Variants in RARB observed in about 807,000 individuals in gnomAD.
RARB encodes retinoic acid receptor beta.
RARB carries 17 observed loss-of-function variants against 51.9 expected under a neutral mutation model. The ratio of observed to expected loss-of-function variants is 0.33; its 90% CI spans 0.22 to 0.49. The LOEUF is 0.49. Among genes scored for constraint, RARB ranks in the 20% least tolerant of loss-of-function variants. The pLI, the probability that RARB is intolerant of heterozygous loss-of-function variation, is 0.99. For synonymous variants in RARB, 215 were observed against 195.4 expected (o/e 1.10, Z -0.84); for missense variants, 369 against 550.8 (o/e 0.67, Z 3.30).
At chr3:24,955,759 T>C (rs970918566) in intron 2 of RARB, among the ~76,000 whole-genome samples, 1 of 151,830 alleles carries the variant, frequency 6.6e-6, no homozygotes, top group Non-Finnish European at 1.5e-5. Flanking sequence ...TCAGGGAGAA[T>C]AAATGTACCT....
intron 3 of RARB, among the ~76,000 whole-genome samples, chr3:25,112,854 C>T (rs899626220): frequency 2.6e-5 from 4 of 152,136 alleles, no homozygotes; most frequent in African/African-American, 7.2e-5. Flanking sequence ...ATTTTGAGGG[C>T]AGAGTCATGT....
chr3:24,875,551 T>C (rs1703027681), intron 2 of RARB, among the ~76,000 whole-genome samples: 6 of 152,142 alleles, frequency 3.9e-5, no homozygotes, highest in African/African-American at 1.2e-4. Context: ...CTGTCTAATG[T>C]AAGCAACTCC....
At chr3:25,185,801 A>G (rs1349366683) in intron 5 of RARB, among the ~76,000 whole-genome samples, 2 of 152,166 alleles carry the variant, frequency 1.3e-5, no homozygotes, top group Non-Finnish European at 2.9e-5. Flanking sequence ...ATCTTATTCC[A>G]GAACTAAAGC....
intron 4 of RARB, among the ~76,000 whole-genome samples, chr3:25,155,549 A>G (rs1004075351): frequency 1.3e-5 from 2 of 152,148 alleles, no homozygotes; most frequent in Admixed American, 6.5e-5. Flanking sequence ...TATTACTCTA[A>G]CTCACTAATA....
At chr3:24,969,464 A>C (rs1438842525) in intron 2 of RARB, among the ~76,000 whole-genome samples, 1 of 152,112 alleles carries the variant, frequency 6.6e-6, no homozygotes, top group Non-Finnish European at 1.5e-5. Flanking sequence ...AAGAGCCACA[A>C]ATCTCTCTAG....
chr3:24,834,325 C>A (rs1372658575), intron 1 of RARB, among the ~76,000 whole-genome samples: 1 of 152,110 alleles, frequency 6.6e-6, no homozygotes, highest in Non-Finnish European at 1.5e-5. Context: ...TAATCATAAT[C>A]TTGAATAGCC....
chr3:25,361,965 C>A (rs1460781764), intron 5 of RARB, among the ~76,000 whole-genome samples: 2 of 152,174 alleles, frequency 1.3e-5, no homozygotes, highest in Non-Finnish European at 1.5e-5. Flanking sequence ...GGTTCAGGGA[C>A]CCACTGAGGA....
intron 5 of RARB, among the ~76,000 whole-genome samples, chr3:25,329,337 G>A (rs147470847): frequency 3.3e-5 from 5 of 152,074 alleles, no homozygotes; most frequent in Non-Finnish European, 7.4e-5. Context: ...TCCAGAGGAA[G>A]GATAAGGCAG....
intron 2 of RARB, among the ~76,000 whole-genome samples, chr3:24,883,580 G>C (rs1012411002): frequency 6.6e-6 from 1 of 152,098 alleles, no homozygotes; most frequent in Admixed American, 6.6e-5. Flanking sequence ...CAGTCTTGGC[G>C]ATGGTTAAGT....
At chr3:25,399,068 T>A (rs565495461) in intron 5 of RARB, among the ~76,000 whole-genome samples, 1 of 152,158 alleles carries the variant, frequency 6.6e-6, no homozygotes, top group Non-Finnish European at 1.5e-5. Context: ...CACTCTACCA[T>A]CCTGGCTTTG....
chr3:25,009,745 T>G (rs1369931131), intron 2 of RARB, among the ~76,000 whole-genome samples: 1 of 152,102 alleles, frequency 6.6e-6, no homozygotes, highest in East Asian at 1.9e-4. Context: ...TGATTTGGGA[T>G]AAGCCTTCCA....
chr3:25,170,774 G>A (rs1016627327), intron 4 of RARB, among the ~76,000 whole-genome samples: 4 of 151,814 alleles, frequency 2.6e-5, no homozygotes, highest in African/African-American at 9.7e-5. Flanking sequence ...TACATACAGA[G>A]AAAAATTATA....
chr3:25,556,686 G>A (rs1167564234), intron 3 of RARB, among the ~76,000 whole-genome samples: 1 of 152,180 alleles, frequency 6.6e-6, no homozygotes. Context: ...TTGACCACAT[G>A]GGGCTGCTGT....
intron 2 of RARB, among the ~76,000 whole-genome samples, chr3:24,941,490 C>A (rs1284539655): frequency 2.0e-5 from 3 of 151,932 alleles, no homozygotes; most frequent in African/African-American, 7.3e-5. Flanking sequence ...CTGCCTCAGT[C>A]TCCCGAATAG....
At chr3:25,436,261 A>G (rs1332446715) in intron 1 of RARB, among the ~76,000 whole-genome samples, 1 of 152,110 alleles carries the variant, frequency 6.6e-6, no homozygotes, top group African/African-American at 2.4e-5. Flanking sequence ...CTTTGATTTT[A>G]TATGAAAACC....
At chr3:25,144,390 G>A (rs1185865353) in intron 4 of RARB, among the ~76,000 whole-genome samples, 2 of 152,086 alleles carry the variant, frequency 1.3e-5, no homozygotes. Context: ...AGGAGGTTCT[G>A]GAGGGGGTTG....
chr3:25,387,421 C>T (rs1706825731), intron 5 of RARB, among the ~76,000 whole-genome samples: 1 of 152,166 alleles, frequency 6.6e-6, no homozygotes, highest in Non-Finnish European at 1.5e-5. Flanking sequence ...ATTGGCTAGG[C>T]TGTATTCAGA....
chr3:25,287,540 C>T (rs147512685), intron 5 of RARB, among the ~76,000 whole-genome samples: 5 of 152,312 alleles, frequency 3.3e-5, no homozygotes, highest in African/African-American at 1.2e-4. Flanking sequence ...CTGGTCCACA[C>T]ACAGACAGAC....
chr3:25,090,928 A>C (rs555303481), intron 3 of RARB, among the ~76,000 whole-genome samples: 15 of 152,274 alleles, frequency 9.9e-5, no homozygotes, highest in Middle Eastern at 6.8e-3. Flanking sequence ...CAAAACTGCT[A>C]CATGTATATT....
Sources: gnomAD v4.1 joint callset for allele counts (sites outside exome capture counted in the v4.1 genomes callset) on GRCh38, gnomAD v4.1.1 for gene constraint, MANE v1.5 for transcripts, NCBI Gene and HGNC (gene_info 2026-07-23, HGNC 2026-07-21) for gene names.